Variants in TRIM33 observed in about 807,000 individuals in gnomAD.
TRIM33 encodes E3 ubiquitin-protein ligase TRIM33.
In TRIM33, 20 loss-of-function variants were observed where a neutral mutation model predicts 125.4. The ratio of observed to expected loss-of-function variants is 0.16; its 90% CI spans 0.11 to 0.23. TRIM33 has a LOEUF of 0.23. Ranked by LOEUF, TRIM33 falls within the 10% of genes least tolerant of loss-of-function variation. The probability of loss-of-function intolerance (pLI) is 1.00; values close to 1 mark genes in which losing one functional copy is unlikely to be tolerated. For missense variants in TRIM33, 920 were observed against 1,411.4 expected, an observed-to-expected ratio of 0.65 and a Z score of 5.58; for synonymous variants, 564 against 513.9, an observed-to-expected ratio of 1.10 and a Z score of -1.32.
intron 4 of TRIM33, among the ~76,000 whole-genome samples, chr1:114,438,454 C>G (rs997452787): frequency 1.3e-5 from 2 of 152,196 alleles, no homozygotes; most frequent in Non-Finnish European, 2.9e-5. Context: ...CTCACTCCAT[C>G]CCTTAGACTA....
chr1:114,439,255 C>T (rs553612140), intron 4 of TRIM33, among the ~76,000 whole-genome samples: 1 of 151,958 alleles, frequency 6.6e-6, no homozygotes, highest in Non-Finnish European at 1.5e-5. Context: ...GGGCAGATCA[C>T]GAGGTCATGA....
chr1:114,396,643 A>T lies in TRIM33; in HGVS notation c.*1005T>A. ...AAAACAGGCTCAGCAAATGTTGCTG[A>T]TCTGCCAAAAGTTTTAGTTCACTAT... On this transcript the variant is annotated 3_prime_UTR_variant, in exon 20 of 20. Transcript: ENST00000358465. 4.9e-6 allele frequency: 1 copy of T among 202,276 alleles called. No homozygotes were observed. 12.5% of individuals were successfully genotyped at this position (202,276 alleles called of 1,614,324 possible). A position where few individuals can be genotyped will look rare whatever the true frequency, so the allele number is the denominator to read the frequency against.
intron 4 of TRIM33, among the ~76,000 whole-genome samples, chr1:114,436,257 C>CTA (rs1648287958): frequency 1.3e-5 from 2 of 151,378 alleles, no homozygotes; most frequent in Non-Finnish European, 2.9e-5. Flanking sequence ...AAAAAATTAG[C>CTA]CCGGCATGGT....
At chr1:114,468,536 C>G (rs1650442264) in intron 1 of TRIM33, 1 of 399,958 alleles carries the variant, frequency 2.5e-6, no homozygotes, top group African/African-American at 2.2e-5. Context: ...ATGACTTGAA[C>G]TTCTTTAATC....
chr1:114,468,750 C>T, intron 1 of TRIM33: 1 of 397,538 alleles, frequency 2.5e-6, no homozygotes, highest in East Asian at 7.2e-5. Flanking sequence ...AGACAAAGTT[C>T]TAGAAGATGA....
chr1:114,402,936 A>G (rs1252963170), intron 15 of TRIM33, 53 bp from the exon 16 acceptor site: 37 of 1,534,986 alleles, frequency 2.4e-5, no homozygotes, highest in Non-Finnish European at 3.2e-5. Flanking sequence ...AGCCTGCTCT[A>G]GAGAAGCTAC....
intron 13 of TRIM33, among the ~76,000 whole-genome samples, chr1:114,407,688 C>T (rs1445429931): frequency 6.6e-6 from 1 of 152,140 alleles, no homozygotes; most frequent in African/African-American, 2.4e-5. Flanking sequence ...GTTCAATATA[C>T]ATACATACAG....
chr1:114,400,179 T>C (rs1651786625), intron 17 of TRIM33, among the ~76,000 whole-genome samples: 1 of 152,144 alleles, frequency 6.6e-6, no homozygotes, highest in African/African-American at 2.4e-5. Flanking sequence ...AAAGTAAAGT[T>C]AGAGAAGCTA....
intron 4 of TRIM33, among the ~76,000 whole-genome samples, chr1:114,446,802 C>T (rs973480863): frequency 2.6e-5 from 4 of 152,148 alleles, no homozygotes; most frequent in Non-Finnish European, 5.9e-5. Context: ...TGCCTGTCAT[C>T]CCAACACTTC....
At chr1:114,429,809 G>A (rs1006438784) in intron 6 of TRIM33, among the ~76,000 whole-genome samples, 1 of 152,032 alleles carries the variant, frequency 6.6e-6, no homozygotes, top group Non-Finnish European at 1.5e-5. Context: ...TCCAGAGCAT[G>A]AAATTTTCAA....
intron 1 of TRIM33, among the ~76,000 whole-genome samples, chr1:114,508,951 A>C (rs1653167574): frequency 6.6e-6 from 1 of 152,216 alleles, no homozygotes. Context: ...GAGATGGCAA[A>C]GTAGATTTCC....
At chr1:114,414,545 C>CCG (rs1419768083) in intron 11 of TRIM33, among the ~76,000 whole-genome samples, 2 of 152,180 alleles carry the variant, frequency 1.3e-5, no homozygotes, top group Non-Finnish European at 2.9e-5. Context: ...AACTCTTACC[C>CCG]CGCTTCCAGG....
rs1051844328 is a variant in TRIM33, at chr1:114,405,547, A to G, written c.2631T>C (p.Asp877=). The change falls in exon 15 of 20, where the codon GAT becomes GAC. Residue 877 remains aspartate, a synonymous_variant. Coordinates refer to ENST00000358465, the MANE Select transcript of TRIM33 (RefSeq NM_015906.4). ...LMHRSARIGG[D]GNNKDDDPNE... ...TTGGGTCATCATCTTTATTGTTGCC[A>G]TCTCCTCCAATCCTTGCCGACCTGT... 1 of 1,614,114 alleles carries G rather than the reference A, an allele frequency of 6.2e-7. No individual in the cohort carries two copies. The highest frequency in any genetic ancestry group is 1.3e-5 in the African/African-American group (1 of 74,934).
In TRIM33 at chr1:114,398,047, T is replaced by G; in HGVS notation, c.3121-57A>C. 1.9e-6 allele frequency: 3 copies of G among 1,578,472 alleles called. No individual in the cohort carries two copies. The African/African-American group carries it at 4.1e-5, about 22-fold the overall frequency. The stretch of plus-strand genomic sequence containing the variant: ...AGGGAAATTATAATCCTTTCTAAAG[T>G]TATGAGACTGCATAGGATTGGCGAC... On this transcript the variant is annotated intron_variant, in intron 18 of 19. Coordinates refer to ENST00000358465, the MANE Select transcript of TRIM33 (RefSeq NM_015906.4).
At chr1:114,488,002 T>C (rs1418111843) in intron 1 of TRIM33, among the ~76,000 whole-genome samples, 1 of 150,930 alleles carries the variant, frequency 6.6e-6, no homozygotes, top group East Asian at 1.9e-4. Context: ...AAAGATCATA[T>C]ATTATCTGGT....
rs1051056453 is a variant in TRIM33, at chr1:114,408,705, T to C, written c.2230A>G (p.Ser744Gly). The part of the protein sequence containing the change: ...SNSHTPVRPP[S>G]TSSTGSRGSC... ...CCTCGACTGCCAGTACTAGAAGTAC[T>C]TGGGGGTCTCACAGGTGTGTGAGAA... Residue 744 changes from serine (S) to glycine (G), a missense_variant, in exon 13 of 20, where the codon AGT (serine) becomes GGT (glycine). Physicochemically the swap from Ser to Gly is moderately conservative, Grantham distance 56. Coordinates refer to ENST00000358465, the MANE Select transcript of TRIM33 (RefSeq NM_015906.4). 3 of 1,605,500 alleles carry C rather than the reference T, an allele frequency of 1.9e-6. No individual in the cohort carries two copies. The highest frequency in any genetic ancestry group is 1.7e-6 in the Non-Finnish European group (2 of 1,175,474).
chr1:114,420,074 T>C (rs1156357762), intron 11 of TRIM33, among the ~76,000 whole-genome samples: 1 of 152,210 alleles, frequency 6.6e-6, no homozygotes, highest in Non-Finnish European at 1.5e-5. Context: ...AAGTAACGCA[T>C]ACAATGCATA....
At chr1:114,439,819 T>C (rs1648544485) in intron 4 of TRIM33, among the ~76,000 whole-genome samples, 1 of 152,096 alleles carries the variant, frequency 6.6e-6, no homozygotes, top group African/African-American at 2.4e-5. Flanking sequence ...AGATACACTG[T>C]ATACAAATGA....
At chr1:114,413,276 T>C (rs1652701432) in intron 11 of TRIM33, among the ~76,000 whole-genome samples, 2 of 151,926 alleles carry the variant, frequency 1.3e-5, no homozygotes, top group South Asian at 4.1e-4. Context: ...AGTCCAAAAG[T>C]AGCTGGGCGC....
Sources: gnomAD v4.1 joint callset for allele counts (sites outside exome capture counted in the v4.1 genomes callset) on GRCh38, gnomAD v4.1.1 for gene constraint, MANE v1.5 for transcripts, NCBI Gene and HGNC (gene_info 2026-07-23, HGNC 2026-07-21) for gene names.